P2RX3: variants seen among roughly 807,000 people sequenced by gnomAD.
The protein encoded by P2RX3 is P2X purinoceptor 3.
Under a neutral mutation model 51.5 loss-of-function variants are expected in P2RX3, and 41 were observed. That is an observed-to-expected ratio of 0.80 (90% CI 0.62 to 1.03). The LOEUF (loss-of-function observed/expected upper bound fraction) is 1.03, where lower values mean the gene tolerates loss of function less well. P2RX3 is among the 50% of genes least tolerant of loss of function. The pLI is 0.00. For synonymous variants in P2RX3, 185 were observed against 191.6 expected (o/e 0.97, Z 0.29); for missense variants, 459 against 522.1 (o/e 0.88, Z 1.18).
At chr11:57,337,329 A>AAAAAAAAAAAGG (rs1554965262), upstream of P2RX3, among the ~76,000 whole-genome samples, 11 of 77,278 alleles carry the variant, frequency 1.4e-4, no homozygotes, top group Admixed American at 3.3e-4. Flanking sequence ...AAGAAAAAAA[A>AAAAAAAAAAAGG]AAGGAAGGGA....
At chr11:57,347,510 C>T (rs1308302914) in intron 4 of P2RX3, 32 bp downstream of exon 4, 1 of 1,550,026 alleles carries the variant, frequency 6.5e-7, no homozygotes, top group South Asian at 1.2e-5. Context: ...CCCCACAATC[C>T]CAAGTGTTAG....
At chr11:57,363,253 T>A (rs532357592) in intron 8 of P2RX3, among the ~76,000 whole-genome samples, 1 of 152,344 alleles carries the variant, frequency 6.6e-6, no homozygotes, top group African/African-American at 2.4e-5. Flanking sequence ...TCTTTGTCCC[T>A]TGGCAAATTA....
chr11:57,349,465 C>CA lies in P2RX3; in HGVS notation c.564-279dup, dbSNP rs147483912. ...TGGGCAACAGACCGAGACTCCGTCT[C>CA]AAAAAAAAAAAAATGCACAGAGTAA... On this transcript the variant is annotated intron_variant, in intron 6 of 11. Transcript: ENST00000263314. Among the ~76,000 whole-genome samples the CA allele has an allele frequency of 4.5e-3, 623 of 138,954 alleles. 3 individuals are homozygous for CA. Among genetic ancestry groups the CA allele is most frequent in the African/African-American group, 0.012 (456 of 37,826 alleles). The allele number at this position is 138,954 out of a possible 152,430, so 91.2% of individuals were successfully genotyped here. A position where few individuals can be genotyped will look rare whatever the true frequency, so the allele number is the denominator to read the frequency against.
intron 8 of P2RX3, among the ~76,000 whole-genome samples, chr11:57,355,385 T>C (rs1230315691): frequency 1.5e-5 from 2 of 137,026 alleles, no homozygotes; most frequent in African/African-American, 5.2e-5. Context: ...TTGCCCAGGC[T>C]GGAATGCAGT....
Position 57,369,889 on chromosome 11 carries a change from T to A in P2RX3, c.1086T>A (p.Asn362Lys). ...QYKAKKFEEV[N>K]ETTLKIAALT... is the part of the protein sequence containing the mutation. ...ACCAGCTCTTTCGCCTGCAGGTGAA[T>A]GAGACTACGCTGAAAATCGCGGCTT... Residue 362 changes from asparagine (N) to lysine (K), a missense_variant, in exon 12 of 12, where the codon AAT (asparagine) becomes AAA (lysine). Transcript: ENST00000263314. 6.2e-7 allele frequency: 1 copy of A among 1,609,088 alleles called. No homozygotes were observed. Among genetic ancestry groups the A allele is most frequent in the Non-Finnish European group, 8.5e-7 (1 of 1,175,614 alleles).
intron 8 of P2RX3, among the ~76,000 whole-genome samples, chr11:57,357,716 A>G (rs573494374): frequency 6.6e-6 from 1 of 152,292 alleles, no homozygotes; most frequent in African/African-American, 2.4e-5. Context: ...TGGAATATGA[A>G]TAAATAAGTA....
At chr11:57,361,337 G>T (rs1242881980) in intron 8 of P2RX3, among the ~76,000 whole-genome samples, 5 of 151,942 alleles carry the variant, frequency 3.3e-5, no homozygotes, top group Non-Finnish European at 5.9e-5. Flanking sequence ...GGACGTGCAG[G>T]TTTGTTACGT....
upstream of P2RX3, among the ~76,000 whole-genome samples, chr11:57,337,997 C>G (rs1463675990): frequency 2.0e-5 from 3 of 152,242 alleles, no homozygotes; most frequent in African/African-American, 7.2e-5. Context: ...TGACCCATGC[C>G]ACTGGGGGCA....
At chr11:57,352,335 T>C (rs1856561366) in intron 8 of P2RX3, among the ~76,000 whole-genome samples, 1 of 152,110 alleles carries the variant, frequency 6.6e-6, no homozygotes, top group Admixed American at 6.5e-5. Flanking sequence ...AAAAAAACCA[T>C]AGGAAACAAC....
At chr11:57,361,375 C>T (rs1426316202) in intron 8 of P2RX3, among the ~76,000 whole-genome samples, 4 of 152,012 alleles carry the variant, frequency 2.6e-5, no homozygotes, top group South Asian at 4.2e-4. Context: ...GGTAGTTTGC[C>T]GCACAATAAA....
intron 8 of P2RX3, among the ~76,000 whole-genome samples, chr11:57,367,043 A>G (rs1031615086): frequency 1.3e-5 from 2 of 152,132 alleles, no homozygotes; most frequent in African/African-American, 4.8e-5. Flanking sequence ...TGCAAGGGTG[A>G]AATGAGACGA....
chr11:57,361,993 T>C (rs1856726996), intron 8 of P2RX3, among the ~76,000 whole-genome samples: 3 of 152,180 alleles, frequency 2.0e-5, no homozygotes, highest in African/African-American at 7.2e-5. Flanking sequence ...AGTATTTCTC[T>C]CCCTCTCATG....
chr11:57,368,718 G>T (rs147702460), intron 10 of P2RX3, among the ~76,000 whole-genome samples: 1 of 152,132 alleles, frequency 6.6e-6, no homozygotes, highest in Non-Finnish European at 1.5e-5. Context: ...CCGTATAGCT[G>T]GGGGAGGAGG....
intron 3 of P2RX3, 105 bp downstream of exon 3, chr11:57,347,292 T>G: frequency 6.8e-7 from 1 of 1,481,324 alleles, no homozygotes; most frequent in Non-Finnish European, 9.3e-7. Context: ...AGTCTGACCT[T>G]GCAACTGGGA....
intron 8 of P2RX3, 114 bp downstream of exon 8, chr11:57,351,012 A>C: frequency 6.9e-7 from 1 of 1,456,194 alleles, no homozygotes. Context: ...CCCAAGTCCC[A>C]CCTCAGGTTT....
chr11:57,367,042 G>A (rs1856808421), intron 8 of P2RX3, among the ~76,000 whole-genome samples: 1 of 152,154 alleles, frequency 6.6e-6, no homozygotes, highest in South Asian at 2.1e-4. Flanking sequence ...TTGCAAGGGT[G>A]AAATGAGACG....
chr11:57,349,261 G>GA (rs1228088504), intron 6 of P2RX3, among the ~76,000 whole-genome samples: 1 of 148,632 alleles, frequency 6.7e-6, no homozygotes, highest in Non-Finnish European at 1.5e-5. Context: ...AGGAGTTTGC[G>GA]ACCAGCCTGG....
intron 8 of P2RX3, among the ~76,000 whole-genome samples, chr11:57,356,286 A>C (rs1213953416): frequency 6.6e-6 from 1 of 151,962 alleles, no homozygotes; most frequent in East Asian, 1.9e-4. Context: ...GCCTGCAAAA[A>C]AGGGGAAAAA....
chr11:57,338,435 A>G lies in P2RX3; in HGVS notation c.-116A>G. On this transcript the variant is annotated 5_prime_UTR_variant, in exon 1 of 12. Transcript: ENST00000263314. ...AAGGGACAGGCTCCCCATTCCTCCA[A>G]CCCCTCTAAGCTGCCCCCTCCAGGT... The G allele has an allele frequency of 1.7e-6, 1 of 599,584 alleles. No individual in the cohort carries two copies. Among genetic ancestry groups the G allele is most frequent in the Non-Finnish European group, 3.0e-6 (1 of 331,026 alleles). The allele number at this position is 599,584 out of a possible 1,614,324, so 37.1% of individuals were successfully genotyped here.
Sources: allele counts gnomAD v4.1 joint callset (sites outside exome capture counted in the v4.1 genomes callset), GRCh38; gene constraint gnomAD v4.1.1; transcripts MANE v1.5; gene names NCBI Gene and HGNC (gene_info 2026-07-23, HGNC 2026-07-21).